The following GNAL variants were observed in gnomAD, a reference collection of about 807,000 sequenced individuals.
The protein encoded by GNAL is guanine nucleotide-binding protein G(olf) subunit alpha.
GNAL carries 18 observed loss-of-function variants against 55.1 expected under a neutral mutation model. The observed-to-expected ratio is 0.33, with a 90% CI of 0.23 to 0.48. GNAL has a LOEUF of 0.48. GNAL is among the 20% of genes least tolerant of loss of function. The probability of loss-of-function intolerance (pLI) is 0.99; values close to 1 mark genes in which losing one functional copy is unlikely to be tolerated. For synonymous variants in GNAL, 253 were observed against 237.0 expected (o/e 1.07, Z -0.62); for missense variants, 412 against 614.1 (o/e 0.67, Z 3.48).
intron 1 of GNAL, among the ~76,000 whole-genome samples, chr18:11,691,457 T>C (rs1184328764): frequency 6.7e-6 from 1 of 150,346 alleles, no homozygotes; most frequent in African/African-American, 2.5e-5. Flanking sequence ...AGAAGCTCTT[T>C]AGTTTAATTA....
intron 1 of GNAL, among the ~76,000 whole-genome samples, chr18:11,734,378 T>A (rs1181051121): frequency 6.6e-6 from 1 of 152,036 alleles, no homozygotes; most frequent in Admixed American, 6.6e-5. Flanking sequence ...CTTGACCTCG[T>A]GATCCACCCG....
chr18:11,693,774 T>C (rs1232097145), intron 1 of GNAL, among the ~76,000 whole-genome samples: 1 of 146,384 alleles, frequency 6.8e-6, no homozygotes, highest in Non-Finnish European at 1.5e-5. Flanking sequence ...CCCAACACTT[T>C]AGGATGCTGA....
intron 5 of GNAL, among the ~76,000 whole-genome samples, chr18:11,831,400 A>G (rs1393755531): frequency 6.6e-6 from 1 of 152,186 alleles, no homozygotes; most frequent in Non-Finnish European, 1.5e-5. Flanking sequence ...CCGAAAGTAC[A>G]TGCCCCCACA....
intron 4 of GNAL, among the ~76,000 whole-genome samples, chr18:11,820,051 G>C (rs568643079): frequency 1.8e-4 from 27 of 152,236 alleles, no homozygotes; most frequent in Admixed American, 1.5e-3. Context: ...AAGGGGATTT[G>C]GGCTCCTAGG....
At chr18:11,776,969 G>A (rs1303768103) in intron 4 of GNAL, among the ~76,000 whole-genome samples, 1 of 152,172 alleles carries the variant, frequency 6.6e-6, no homozygotes, top group Non-Finnish European at 1.5e-5. Context: ...ATAAAAGCAT[G>A]AAGGTTGTAG....
chr18:11,825,238 T>C (rs1385448522), intron 5 of GNAL, among the ~76,000 whole-genome samples: 1 of 152,230 alleles, frequency 6.6e-6, no homozygotes, highest in Non-Finnish European at 1.5e-5. Context: ...GTTCATTTTG[T>C]CCTGATTGTT....
At chr18:11,824,262 TG>T (rs113728715) in intron 4 of GNAL, among the ~76,000 whole-genome samples, 68 of 145,184 alleles carry the variant, frequency 4.7e-4, no homozygotes, top group African/African-American at 1.6e-3. Flanking sequence ...ATGGCTGAGA[TG>T]GGGGGGGGGT....
intron 5 of GNAL, chr18:11,857,673 C>T (rs748997180): frequency 1.3e-5 from 13 of 984,860 alleles, no homozygotes; most frequent in African/African-American, 1.7e-5. Context: ...CACATGCTGA[C>T]GCAGTGGGTC....
intron 5 of GNAL, chr18:11,857,545 A>C: frequency 4.1e-6 from 4 of 985,536 alleles, no homozygotes; most frequent in Non-Finnish European, 4.8e-6. Context: ...GTCATGAGAA[A>C]TGATGGTTCA....
chr18:11,876,332 G>A (rs765406338), intron 10 of GNAL, among the ~76,000 whole-genome samples: 1 of 152,128 alleles, frequency 6.6e-6, no homozygotes, highest in Non-Finnish European at 1.5e-5. Flanking sequence ...TTGTGATGGC[G>A]GGTGCCCGTA....
At chr18:11,833,537 T>A (rs1218002122) in intron 5 of GNAL, 1 of 152,146 alleles carries the variant, frequency 6.6e-6, no homozygotes, top group African/African-American at 2.4e-5. Flanking sequence ...CAGAAGAAAA[T>A]TTTTAGTGGG....
chr18:11,853,282 A>G (rs572128027), intron 5 of GNAL: 22 of 167,272 alleles, frequency 1.3e-4, no homozygotes, highest in African/African-American at 5.3e-4. Context: ...ACTGGAAGGA[A>G]GGAGAAAGCT....
At chr18:11,776,729 A>AAAAAAAG (rs367983717) in intron 4 of GNAL, among the ~76,000 whole-genome samples, 1 of 145,890 alleles carries the variant, frequency 6.9e-6, no homozygotes, top group African/African-American at 2.6e-5. Flanking sequence ...AAAAAAAAAA[A>AAAAAAAG]GAATTTACAC....
At chr18:11,731,634 G>GT (rs755537755) in intron 1 of GNAL, among the ~76,000 whole-genome samples, 3 of 152,218 alleles carry the variant, frequency 2.0e-5, no homozygotes, top group South Asian at 2.1e-4. Context: ...ATTGCCATTT[G>GT]TTTTTTTATT....
At position 11,884,680 on chromosome 18, in the gene GNAL, C is replaced by T; in HGVS notation, c.*3545C>T. On this transcript the variant is annotated 3_prime_UTR_variant, in exon 12 of 12. Transcript: ENST00000334049. ...GAGAGCACCAGGCACACGTTGAACA[C>T]CGCAGTCTTAGAAACAGCAGAGGGA... The T allele has an allele frequency of 6.4e-7, 1 of 1,562,294 alleles. No homozygotes were observed. Among genetic ancestry groups the T allele is most frequent in the Non-Finnish European group, 8.8e-7 (1 of 1,137,504 alleles).
At chr18:11,745,035 C>T (rs549392893) in intron 1 of GNAL, among the ~76,000 whole-genome samples, 1 of 152,188 alleles carries the variant, frequency 6.6e-6, no homozygotes, top group Non-Finnish European at 1.5e-5. Flanking sequence ...TGTACCTGTT[C>T]CAGAAGTCTT....
chr18:11,752,416 C>A lies in GNAL; in HGVS notation c.377-437C>A, dbSNP rs1283236121. 6.2e-7 allele frequency: 1 copy of A among 1,600,570 alleles called. No homozygotes were observed. The highest frequency in any genetic ancestry group is 8.5e-7 in the Non-Finnish European group (1 of 1,175,040). Reference sequence around the variant, plus strand: ...GCGCACATTCCTAACTTCCTGACGTCCATCCCAGCGGGCAGGCATGGGGTG... The same window carrying A: ...GCGCACATTCCTAACTTCCTGACGTACATCCCAGCGGGCAGGCATGGGGTG... On this transcript the variant is annotated intron_variant, in intron 1 of 11. Coordinates refer to ENST00000334049, the MANE Select transcript of GNAL (RefSeq NM_182978.4). The surrounding 1 kb of genome is among the most constrained non-coding windows in gnomAD (Gnocchi z 4.5).
intron 5 of GNAL, among the ~76,000 whole-genome samples, chr18:11,846,390 A>G (rs1368694568): frequency 1.3e-5 from 2 of 148,456 alleles, no homozygotes; most frequent in East Asian, 1.9e-4. Flanking sequence ...TTATTTTTAA[A>G]TCGACATCAT....
intron 1 of GNAL, among the ~76,000 whole-genome samples, chr18:11,693,982 A>C (rs1271673384): frequency 6.6e-6 from 1 of 151,380 alleles, no homozygotes; most frequent in East Asian, 1.9e-4. Context: ...CCCCACAAGT[A>C]GCTGGGACTA....
Sources: gnomAD v4.1 joint callset for allele counts (sites outside exome capture counted in the v4.1 genomes callset) on GRCh38, gnomAD v4.1.1 for gene constraint, Gnocchi (gnomAD v3.1) non-coding constraint, MANE v1.5 for transcripts, NCBI Gene and HGNC (gene_info 2026-07-23, HGNC 2026-07-21) for gene names.